DACH1: variants seen among roughly 807,000 people sequenced by gnomAD.
The protein encoded by DACH1 is dachshund homolog 1.
In DACH1, 12 loss-of-function variants were observed where a neutral mutation model predicts 54.2. The observed-to-expected ratio is 0.22, with a 90% CI of 0.14 to 0.36. DACH1 has a LOEUF of 0.36. DACH1 is among the 10% of genes least tolerant of loss of function. DACH1 has a pLI of 1.00. For missense variants in DACH1, 805 were observed against 929.8 expected, an observed-to-expected ratio of 0.87 and a Z score of 1.75; for synonymous variants, 386 against 366.2, an observed-to-expected ratio of 1.05 and a Z score of -0.62.
At chr13:71,865,007 AAG>A (rs1221463658) in intron 1 of DACH1, among the ~76,000 whole-genome samples, 9 of 152,138 alleles carry the variant, frequency 5.9e-5, no homozygotes, top group African/African-American at 2.2e-4. Context: ...GAGAACTCGA[AAG>A]AGAGATCGAG....
At chr13:71,449,045 T>C (rs1874746478) in intron 10 of DACH1, among the ~76,000 whole-genome samples, 1 of 152,078 alleles carries the variant, frequency 6.6e-6, no homozygotes, top group South Asian at 2.1e-4. Context: ...CAATAAGAAA[T>C]AGGTAATGAA....
chr13:71,591,896 G>C (rs1352748158), intron 3 of DACH1, among the ~76,000 whole-genome samples: 1 of 152,070 alleles, frequency 6.6e-6, no homozygotes, highest in African/African-American at 2.4e-5. Flanking sequence ...CAAAGCCATT[G>C]TATCACTGCC....
At chr13:71,715,201 T>C (rs1203657487) in intron 1 of DACH1, among the ~76,000 whole-genome samples, 1 of 152,074 alleles carries the variant, frequency 6.6e-6, no homozygotes, top group African/African-American at 2.4e-5. Context: ...CTCTGAATAG[T>C]AGAGACAAAA....
At chr13:71,743,482 C>T (rs900920239) in intron 1 of DACH1, among the ~76,000 whole-genome samples, 5 of 152,268 alleles carry the variant, frequency 3.3e-5, no homozygotes, top group South Asian at 2.1e-4. Flanking sequence ...TTTGCTTTTT[C>T]GCACAGTCCC....
chr13:71,685,952 A>G (rs1024530445), intron 1 of DACH1, among the ~76,000 whole-genome samples: 1 of 152,206 alleles, frequency 6.6e-6, no homozygotes, highest in Non-Finnish European at 1.5e-5. Flanking sequence ...TAGAAAAACA[A>G]AAACTTAACT....
At chr13:71,622,892 AC>A (rs1876351552) in intron 3 of DACH1, among the ~76,000 whole-genome samples, 1 of 151,832 alleles carries the variant, frequency 6.6e-6, no homozygotes, top group South Asian at 2.1e-4. Flanking sequence ...TGAAATCAAA[AC>A]AAAAACATTG....
chr13:71,730,409 T>C (rs1258650303), intron 1 of DACH1, among the ~76,000 whole-genome samples: 14 of 152,176 alleles, frequency 9.2e-5, no homozygotes, highest in Non-Finnish European at 2.9e-5. Context: ...TAAAAAGTTG[T>C]GTAAAATGTA....
chr13:71,655,467 T>C (rs1243653972), intron 2 of DACH1, among the ~76,000 whole-genome samples: 1 of 151,132 alleles, frequency 6.6e-6, no homozygotes, highest in African/African-American at 2.4e-5. Flanking sequence ...GCCTCCCAGG[T>C]TCAAGCGATT....
At chr13:71,775,049 T>C (rs857321) in intron 1 of DACH1, among the ~76,000 whole-genome samples, 4,790 of 146,376 alleles carry the variant, frequency 0.033, 135 homozygotes, top group African/African-American at 0.083. Context: ...CTTTGAGAGA[T>C]GGAGGAAGGA....
At chr13:71,629,349 A>C (rs76040650) in intron 3 of DACH1, among the ~76,000 whole-genome samples, 1 of 152,072 alleles carries the variant, frequency 6.6e-6, no homozygotes, top group African/African-American at 2.4e-5. Flanking sequence ...TCGCACTCAC[A>C]CCTACTCTCC....
In DACH1 at chr13:71,734,159, ACGTATACCCCATATATATGTATATCC is replaced by A. The variant is rs1308880084; in HGVS notation, c.849-52275_849-52250del. Among the ~76,000 whole-genome samples the A allele has an allele frequency of 5.9e-4, 87 of 146,554 alleles. 1 individual carries two copies. The highest frequency in any genetic ancestry group is 2.0e-3 in the East Asian group (10 of 5,066). On this transcript the variant is annotated intron_variant, in intron 1 of 10. Transcript: ENST00000613252. ...CCCCATATATATGTATATCCCATAT[ACGTATACCCCATATATATGTATATCC>A]CATATACGTATACCCATATATATGT...
intron 1 of DACH1, among the ~76,000 whole-genome samples, chr13:71,812,434 G>C (rs1264732731): frequency 6.6e-6 from 1 of 152,076 alleles, no homozygotes; most frequent in Non-Finnish European, 1.5e-5. Flanking sequence ...ATTCAGATTA[G>C]ACACATTACC....
chr13:71,562,804 C>T (rs900223883), intron 4 of DACH1, among the ~76,000 whole-genome samples: 1 of 152,066 alleles, frequency 6.6e-6, no homozygotes, highest in Non-Finnish European at 1.5e-5. Flanking sequence ...TTTCAAATGG[C>T]AATATTCTCA....
chr13:71,606,257 G>A (rs890603422), intron 3 of DACH1, among the ~76,000 whole-genome samples: 3 of 151,862 alleles, frequency 2.0e-5, no homozygotes, highest in Non-Finnish European at 2.9e-5. Flanking sequence ...ACAATATTTT[G>A]TTTAAGCTGT....
chr13:71,651,450 T>TG (rs901328019), intron 2 of DACH1, among the ~76,000 whole-genome samples: 1 of 151,562 alleles, frequency 6.6e-6, no homozygotes, highest in African/African-American at 2.4e-5. Context: ...GTTCTAACTC[T>TG]GGGGGTTCAA....
chr13:71,831,558 CA>C (rs1327148518), intron 1 of DACH1, among the ~76,000 whole-genome samples: 1 of 151,674 alleles, frequency 6.6e-6, no homozygotes, highest in Non-Finnish European at 1.5e-5. Flanking sequence ...ATATACCCAC[CA>C]GAGAGTTAAT....
intron 8 of DACH1, among the ~76,000 whole-genome samples, chr13:71,476,931 G>A (rs1291345203): frequency 6.6e-6 from 1 of 150,862 alleles, no homozygotes; most frequent in Admixed American, 6.6e-5. Flanking sequence ...TAGTCATGAA[G>A]ACTAATCATT....
At chr13:71,695,165 G>C (rs1244662265) in intron 1 of DACH1, among the ~76,000 whole-genome samples, 1 of 152,080 alleles carries the variant, frequency 6.6e-6, no homozygotes, top group African/African-American at 2.4e-5. Flanking sequence ...TAATTTCATT[G>C]CTTGTTAGAG....
At chr13:71,561,665 T>C (rs1884592904) in intron 4 of DACH1, among the ~76,000 whole-genome samples, 1 of 152,136 alleles carries the variant, frequency 6.6e-6, no homozygotes, top group African/African-American at 2.4e-5. Context: ...TTCTGGTTCT[T>C]TGTTACAGTG....
Sources: gnomAD v4.1 joint callset for allele counts (sites outside exome capture counted in the v4.1 genomes callset) on GRCh38, gnomAD v4.1.1 for gene constraint, MANE v1.5 for transcripts, NCBI Gene and HGNC (gene_info 2026-07-23, HGNC 2026-07-21) for gene names.